The following CSMD1 variants were observed in gnomAD, a reference collection of about 807,000 sequenced individuals.
The protein encoded by CSMD1 is CUB and Sushi multiple domains 1.
A neutral mutation model predicts 417.5 loss-of-function variants in CSMD1; 213 were observed. The observed-to-expected ratio is 0.51, with a 90% CI of 0.46 to 0.57. CSMD1 has a LOEUF of 0.57. CSMD1 is among the 20% of genes least tolerant of loss of function. The pLI, the probability that CSMD1 is intolerant of heterozygous loss-of-function variation, is 0.00. For missense variants in CSMD1, 6,923 were observed against 4,529.7 expected (o/e 1.53, Z -15.17); for synonymous variants, 2,862 against 1,736.8 (o/e 1.65, Z -16.11).
intron 5 of CSMD1, among the ~76,000 whole-genome samples, chr8:3,971,661 G>T (rs1403099884): frequency 6.6e-6 from 1 of 152,090 alleles, no homozygotes; most frequent in African/African-American, 2.4e-5. Flanking sequence ...GATCCGTGTG[G>T]AACATGGGGG....
At chr8:4,272,581 C>G (rs1804674565) in intron 3 of CSMD1, among the ~76,000 whole-genome samples, 1 of 152,144 alleles carries the variant, frequency 6.6e-6, no homozygotes, top group Admixed American at 6.5e-5. Context: ...TTGCAGTATA[C>G]CTTTTTTGAA....
intron 5 of CSMD1, among the ~76,000 whole-genome samples, chr8:3,909,529 C>T (rs867307362): frequency 6.1e-4 from 93 of 152,080 alleles, no homozygotes; most frequent in African/African-American, 2.1e-3. Context: ...ACAGCGTGGT[C>T]GCTCTCCCCA....
intron 2 of CSMD1, among the ~76,000 whole-genome samples, chr8:4,573,521 A>G (rs1049847922): frequency 1.3e-5 from 2 of 152,066 alleles, no homozygotes; most frequent in East Asian, 3.9e-4. Flanking sequence ...CACCTGAGAG[A>G]TGCCATCCGG....
chr8:4,090,433 T>A (rs1023480704), intron 3 of CSMD1, among the ~76,000 whole-genome samples: 5 of 152,204 alleles, frequency 3.3e-5, no homozygotes, highest in Non-Finnish European at 7.4e-5. Flanking sequence ...TGGACGTGTT[T>A]AATTTTTTTA....
chr8:4,753,795 TC>T (rs1419484371), intron 1 of CSMD1, among the ~76,000 whole-genome samples: 1 of 152,208 alleles, frequency 6.6e-6, no homozygotes, highest in African/African-American at 2.4e-5. Context: ...CACTGCCTCC[TC>T]CTTTACTCCA....
At chr8:3,644,467 G>C (rs1797474743) in intron 7 of CSMD1, among the ~76,000 whole-genome samples, 1 of 152,204 alleles carries the variant, frequency 6.6e-6, no homozygotes, top group Non-Finnish European at 1.5e-5. Flanking sequence ...GCAACTCTAT[G>C]TGCTCCTTGG....
At chr8:4,225,259 C>A (rs1195437609) in intron 3 of CSMD1, among the ~76,000 whole-genome samples, 1 of 152,274 alleles carries the variant, frequency 6.6e-6, no homozygotes, top group East Asian at 1.9e-4. Flanking sequence ...CCATCATTTT[C>A]TTCAAAATAG....
chr8:3,405,090 T>A (rs1407362399), intron 15 of CSMD1, among the ~76,000 whole-genome samples: 2 of 152,170 alleles, frequency 1.3e-5, no homozygotes, highest in Admixed American at 1.3e-4. Context: ...ATAGTATGAT[T>A]AGGAAATGCC....
intron 1 of CSMD1, among the ~76,000 whole-genome samples, chr8:4,739,051 A>G (rs2116994524): frequency 6.6e-6 from 1 of 152,170 alleles, no homozygotes; most frequent in East Asian, 1.9e-4. Context: ...AGTAACTGAT[A>G]TATTCTTTTT....
At chr8:3,934,456 G>C (rs917513209) in intron 5 of CSMD1, among the ~76,000 whole-genome samples, 4 of 152,144 alleles carry the variant, frequency 2.6e-5, no homozygotes, top group African/African-American at 4.8e-5. Flanking sequence ...AATTTTCAAA[G>C]TAAATGAATG....
At position 2,936,745 on chromosome 8, in the gene CSMD1, G is replaced by A. The variant is rs916369940; in HGVS notation, c.*1840C>T. ...CACAACACTGGGAGCCGAGCTCTACGGAAATGTCCGAATCAAAACGCGTGA... is the reference window on the plus strand; with the variant it reads ...CACAACACTGGGAGCCGAGCTCTACAGAAATGTCCGAATCAAAACGCGTGA... On this transcript the variant is annotated 3_prime_UTR_variant, in exon 70 of 70. Coordinates refer to ENST00000635120, the MANE Select transcript of CSMD1 (RefSeq NM_033225.6). The A allele has an allele frequency of 2.6e-5, 4 of 152,188 alleles. No individual in the cohort carries two copies. Among genetic ancestry groups the A allele is most frequent in the East Asian group, 1.9e-4 (1 of 5,188 alleles). The allele number at this position is 152,188 out of a possible 1,614,324, so 9.4% of individuals were successfully genotyped here. A position where few individuals can be genotyped will look rare whatever the true frequency, so the allele number is the denominator to read the frequency against.
intron 3 of CSMD1, among the ~76,000 whole-genome samples, chr8:4,350,440 G>A (rs926192368): frequency 3.3e-5 from 5 of 152,150 alleles, no homozygotes; most frequent in Admixed American, 2.0e-4. Context: ...AACCAACCTT[G>A]ATTCACCAAA....
At chr8:3,504,631 C>G (rs191980174) in intron 10 of CSMD1, among the ~76,000 whole-genome samples, 38 of 152,322 alleles carry the variant, frequency 2.5e-4, no homozygotes, top group Non-Finnish European at 4.9e-4. Flanking sequence ...TGTCTTCTCT[C>G]TGACTCTGCA....
intron 5 of CSMD1, among the ~76,000 whole-genome samples, chr8:3,881,807 G>A (rs1452580968): frequency 6.6e-6 from 1 of 151,998 alleles, no homozygotes; most frequent in East Asian, 1.9e-4. Flanking sequence ...CTAAGCAAAG[G>A]GAAGAACAGA....
intron 42 of CSMD1, among the ~76,000 whole-genome samples, chr8:3,115,262 C>A (rs559120786): frequency 7.6e-6 from 1 of 131,776 alleles, no homozygotes; most frequent in Non-Finnish European, 1.6e-5. Flanking sequence ...AGTGCAATGG[C>A]GCTATCTTGG....
intron 30 of CSMD1, among the ~76,000 whole-genome samples, chr8:3,206,640 G>C (rs1317888583): frequency 2.8e-5 from 4 of 144,970 alleles, no homozygotes; most frequent in Non-Finnish European, 6.0e-5. Context: ...ATGTCTGTGT[G>C]TGTGTGGGTG....
chr8:4,569,966 T>A (rs1025836899), intron 2 of CSMD1, among the ~76,000 whole-genome samples: 33 of 152,218 alleles, frequency 2.2e-4, no homozygotes, highest in African/African-American at 7.7e-4. Context: ...TAGGAATGCT[T>A]GTGATTTTTG....
intron 27 of CSMD1, among the ~76,000 whole-genome samples, chr8:3,227,853 T>G (rs1199917574): frequency 2.6e-5 from 4 of 151,862 alleles, no homozygotes; most frequent in African/African-American, 9.7e-5. Flanking sequence ...CTGCAACTTC[T>G]AGCTCCTGGG....
intron 2 of CSMD1, among the ~76,000 whole-genome samples, chr8:4,599,299 G>C (rs947967228): frequency 4.6e-5 from 7 of 152,130 alleles, no homozygotes; most frequent in East Asian, 3.9e-4. Context: ...TGGATCATGT[G>C]GCTTCATTAC....
Sources: allele counts gnomAD v4.1 joint callset (sites outside exome capture counted in the v4.1 genomes callset), GRCh38; gene constraint gnomAD v4.1.1; transcripts MANE v1.5; gene names NCBI Gene and HGNC (gene_info 2026-07-23, HGNC 2026-07-21).